ASTN1: variants seen among roughly 807,000 people sequenced by gnomAD.
ASTN1 encodes astrotactin-1.
In ASTN1, 41 loss-of-function variants were observed where a neutral mutation model predicts 140.7. That is an observed-to-expected ratio of 0.29 (90% CI 0.23 to 0.38). The LOEUF (loss-of-function observed/expected upper bound fraction) is 0.38. ASTN1 is among the 10% of genes least tolerant of loss of function. The pLI is 1.00. For synonymous variants in ASTN1, 640 were observed against 652.2 expected, an observed-to-expected ratio of 0.98 and a Z score of 0.29; for missense variants, 1,479 against 1,678.8, an observed-to-expected ratio of 0.88 and a Z score of 2.08.
At chr1:176,911,691 C>A (rs2103060501) in intron 16 of ASTN1, among the ~76,000 whole-genome samples, 1 of 152,272 alleles carries the variant, frequency 6.6e-6, no homozygotes, top group Middle Eastern at 3.4e-3. Flanking sequence ...AATAACAATG[C>A]CATCTTCTGA....
Position 177,154,868 on chromosome 1 carries a change from T to A in ASTN1, c.283+9526A>T, listed in dbSNP as rs183640980. On this transcript the variant is annotated intron_variant, in intron 1 of 22. Coordinates refer to ENST00000361833, the MANE Select transcript of ASTN1 (RefSeq NM_004319.3). ...AATATAATTAAGTCAAATCTCTGCATGAGATTACAAAAAAAAGAAAGCACA... is the reference window on the plus strand; with the variant it reads ...AATATAATTAAGTCAAATCTCTGCAAGAGATTACAAAAAAAAGAAAGCACA... Among the ~76,000 whole-genome samples the A allele has an allele frequency of 6.4e-3, 967 of 152,174 alleles. 15 individuals are homozygous for A. The highest frequency in any genetic ancestry group is 0.02 in the African/African-American group (845 of 41,510).
intron 14 of ASTN1, 52 bp downstream of exon 14, chr1:176,943,839 C>T: frequency 2.6e-6 from 4 of 1,522,132 alleles, no homozygotes; most frequent in Non-Finnish European, 3.5e-6. Context: ...TATGAAACTG[C>T]AGGGAGCTGC....
intron 21 of ASTN1, 64 bp downstream of exon 21, chr1:176,876,473 C>G: frequency 6.5e-7 from 1 of 1,546,590 alleles, no homozygotes; most frequent in Non-Finnish European, 8.9e-7. Flanking sequence ...CTTCTGTCCT[C>G]ATAGCAAGTG....
chr1:177,105,341 G>C (rs575738724), intron 1 of ASTN1, among the ~76,000 whole-genome samples: 2 of 152,090 alleles, frequency 1.3e-5, no homozygotes, highest in Non-Finnish European at 2.9e-5. Context: ...ACTCCCCATG[G>C]AGAACTTTGC....
chr1:177,078,346 T>C (rs1321307729), intron 1 of ASTN1, among the ~76,000 whole-genome samples: 2 of 152,146 alleles, frequency 1.3e-5, no homozygotes, highest in East Asian at 1.9e-4. Context: ...TTTCCCACCA[T>C]TGAGCAACTT....
chr1:177,125,708 A>C (rs227509), intron 1 of ASTN1, among the ~76,000 whole-genome samples: 35,418 of 151,928 alleles, frequency 0.23, 6,523 homozygotes, highest in African/African-American at 0.52. Context: ...ACATTACTGT[A>C]TTTTGGGACC....
At chr1:176,939,111 CA>C (rs34775788) in intron 14 of ASTN1, among the ~76,000 whole-genome samples, 385 of 131,548 alleles carry the variant, frequency 2.9e-3, no homozygotes, top group African/African-American at 4.1e-3. Context: ...GACACCATCT[CA>C]AAAAAAAAAA....
chr1:176,879,715 A>T (rs1040411737), intron 20 of ASTN1, among the ~76,000 whole-genome samples: 1 of 152,172 alleles, frequency 6.6e-6, no homozygotes, highest in African/African-American at 2.4e-5. Context: ...ATCAGTGCAA[A>T]ATTTAAGTTC....
intron 5 of ASTN1, among the ~76,000 whole-genome samples, chr1:177,026,939 T>C (rs931921593): frequency 1.3e-5 from 2 of 152,166 alleles, no homozygotes; most frequent in Non-Finnish European, 2.9e-5. Flanking sequence ...GATGTTGCTC[T>C]TTTGTCAGGT....
At chr1:177,081,786 C>A (rs1203753517) in intron 1 of ASTN1, among the ~76,000 whole-genome samples, 2 of 152,056 alleles carry the variant, frequency 1.3e-5, no homozygotes, top group Non-Finnish European at 2.9e-5. Flanking sequence ...ATGAAGGGGA[C>A]TGAAAGACAT....
chr1:177,002,166 T>C (rs1311753540), intron 8 of ASTN1, among the ~76,000 whole-genome samples: 2 of 152,064 alleles, frequency 1.3e-5, no homozygotes, highest in Admixed American at 6.5e-5. Flanking sequence ...AAAATAACAA[T>C]GCTAGTCTCA....
intron 16 of ASTN1, 101 bp downstream of exon 16, chr1:176,934,051 G>A (rs1186663180): frequency 7.3e-6 from 9 of 1,239,974 alleles, no homozygotes; most frequent in Admixed American, 2.4e-5. Context: ...AAATCTGATT[G>A]AGTCGTTACT....
intron 1 of ASTN1, among the ~76,000 whole-genome samples, chr1:177,080,308 T>G (rs1251189404): frequency 6.6e-6 from 1 of 151,706 alleles, no homozygotes; most frequent in African/African-American, 2.4e-5. Context: ...AACTAAGACT[T>G]TGTTTAAAAC....
Position 176,863,999 on chromosome 1 carries a change from A to G in ASTN1, c.*285T>C. 8.5e-7 allele frequency: 1 copy of G among 1,177,572 alleles called. No individual in the cohort carries two copies. The highest frequency in any genetic ancestry group is 1.1e-6 in the Non-Finnish European group (1 of 948,008). The allele number at this position is 1,177,572 out of a possible 1,614,324, so 72.9% of individuals were successfully genotyped here. A position where few individuals can be genotyped will look rare whatever the true frequency, so the allele number is the denominator to read the frequency against. On this transcript the variant is annotated 3_prime_UTR_variant, in exon 23 of 23. Coordinates refer to ENST00000361833, the MANE Select transcript of ASTN1 (RefSeq NM_004319.3). ...TTTTGGTAAACTTCTCAGGGAAAAA[A>G]AAATGAATGGAACAAATTAATGGCA...
chr1:176,876,419 C>G, intron 21 of ASTN1, 118 bp downstream of exon 21: 1 of 1,081,242 alleles, frequency 9.2e-7, no homozygotes, highest in South Asian at 1.5e-5. Flanking sequence ...TTGAATTCTC[C>G]TTCCCTGCTG....
intron 1 of ASTN1, among the ~76,000 whole-genome samples, chr1:177,061,503 C>A (rs2102034126): frequency 6.6e-6 from 1 of 152,292 alleles, no homozygotes; most frequent in Non-Finnish European, 1.5e-5. Flanking sequence ...GAACCAGGCT[C>A]TCACCCATCG....
chr1:176,971,208 G>A (rs905009015), intron 8 of ASTN1, among the ~76,000 whole-genome samples: 1 of 152,052 alleles, frequency 6.6e-6, no homozygotes, highest in Non-Finnish European at 1.5e-5. Flanking sequence ...ACAGGAGAAG[G>A]GTGAAGAGAA....
intron 1 of ASTN1, among the ~76,000 whole-genome samples, chr1:177,147,056 G>C (rs1316507362): frequency 6.6e-6 from 1 of 152,068 alleles, no homozygotes; most frequent in Non-Finnish European, 1.5e-5. Context: ...AAAACAGTGA[G>C]AGTGGTGAAA....
At position 176,949,212 on chromosome 1, in the gene ASTN1, G is replaced by T. The variant is rs773375361; in HGVS notation, c.2027C>A (p.Thr676Asn). 6.6e-5 allele frequency: 107 copies of T among 1,613,906 alleles called. No homozygotes were observed. The highest frequency in any genetic ancestry group is 9.0e-5 in the Non-Finnish European group (106 of 1,180,040). ...ACAGAACATGAGGATGTTATACAAG[G>T]TGGGGTCGTCCGGGAAGGGCGCCAT... ...QQMAPFPDDP[T>N]LYNILMFCGC... The change falls in exon 12 of 23, where the codon ACC becomes AAC. Residue 676 changes from threonine to asparagine, a missense_variant. By Grantham distance (65) the Thr-to-Asn change is moderately conservative (BLOSUM62 0). This residue lies in a region of ASTN1 where 746 missense variants were observed against 800.9 expected (regional missense o/e 0.93). Transcript: ENST00000361833.
Sources: allele counts gnomAD v4.1 joint callset (sites outside exome capture counted in the v4.1 genomes callset), GRCh38; gene constraint gnomAD v4.1.1; regional missense constraint gnomAD v4.1.1; transcripts MANE v1.5; gene names NCBI Gene and HGNC (gene_info 2026-07-23, HGNC 2026-07-21).